NALF2: variants seen among roughly 807,000 people sequenced by gnomAD.
The protein encoded by NALF2 is NALCN channel auxiliary factor 2, also known as bB57D9.1 (TED protein).
Under a neutral mutation model 24.8 loss-of-function variants are expected in NALF2, and 1 was observed. The ratio of observed to expected loss-of-function variants is 0.04; its 90% CI spans 0.01 to 0.19. NALF2 has a LOEUF of 0.19. NALF2 is among the 10% of genes least tolerant of loss of function. The pLI, the probability that NALF2 is intolerant of heterozygous loss-of-function variation, is 1.00. For synonymous variants in NALF2, 254 were observed against 189.8 expected (o/e 1.34, Z -2.78); for missense variants, 458 against 409.6 (o/e 1.12, Z -1.02).
At chrX:69,520,558 G>T (rs777621622) in intron 1 of NALF2, among the ~76,000 whole-genome samples, 4 of 111,587 alleles carry the variant, frequency 3.6e-5, no homozygotes, top group Non-Finnish European at 7.5e-5. Context: ...CCTTTATGCA[G>T]ACCCTCCTTC....
intron 1 of NALF2, among the ~76,000 whole-genome samples, chrX:69,512,207 G>A (rs1026612705): frequency 1.8e-5 from 2 of 112,075 alleles, no homozygotes; most frequent in Non-Finnish European, 3.8e-5. Flanking sequence ...TGGGGAATGG[G>A]TATGTTTGCG....
At chrX:69,516,945 T>G (rs886958392) in intron 1 of NALF2, among the ~76,000 whole-genome samples, 3 of 111,907 alleles carry the variant, frequency 2.7e-5, no homozygotes, top group Non-Finnish European at 5.6e-5. Context: ...GAGAATGGAC[T>G]ACGTAGACTG....
chrX:69,506,488 C>T (rs1271220212), intron 1 of NALF2, among the ~76,000 whole-genome samples: 1 of 113,429 alleles, frequency 8.8e-6, no homozygotes, highest in African/African-American at 3.2e-5. Context: ...CATCCTCAGC[C>T]AGCCATGCCC....
intron 1 of NALF2, among the ~76,000 whole-genome samples, chrX:69,521,369 A>T (rs915885186): frequency 9.0e-6 from 1 of 110,858 alleles, no homozygotes; most frequent in Admixed American, 9.5e-5. Context: ...CAGCCCTCAA[A>T]ACACAGTTGA....
chrX:69,517,336 C>T (rs906237046), intron 1 of NALF2, among the ~76,000 whole-genome samples: 2 of 111,250 alleles, frequency 1.8e-5, no homozygotes, highest in Admixed American at 1.9e-4. Flanking sequence ...ATGCTAGCCC[C>T]CATTGTTATT....
chrX:69,520,626 A>G (rs750615360), intron 1 of NALF2, among the ~76,000 whole-genome samples: 5 of 111,392 alleles, frequency 4.5e-5, no homozygotes, highest in African/African-American at 1.6e-4. Flanking sequence ...TGACTCACAT[A>G]TACCTCAAAG....
chrX:69,520,843 T>G (rs1049526559), intron 1 of NALF2, among the ~76,000 whole-genome samples: 1 of 111,259 alleles, frequency 9.0e-6, no homozygotes, highest in African/African-American at 3.3e-5. Flanking sequence ...CACCCCTTCC[T>G]CCCTATTTCT....
Position 69,527,944 on chromosome X carries a change from A to G in NALF2, c.862-1049A>G, listed in dbSNP as rs1322694027. 1.8e-5 allele frequency among the ~76,000 whole-genome samples: 2 copies of G among 110,782 alleles called. 1 individual carries two copies. The highest frequency in any genetic ancestry group is 3.8e-5 in the Non-Finnish European group (2 of 52,895). The stretch of plus-strand genomic sequence containing the variant: ...CAACTGGAGACAATACCCCTACCCC[A>G]GGGGAACATTTGACAATGGCTGGAG... On this transcript the variant is annotated intron_variant, in intron 1 of 2. Coordinates refer to ENST00000252338, the MANE Select transcript of NALF2 (RefSeq NM_015686.3).
intron 1 of NALF2, among the ~76,000 whole-genome samples, chrX:69,506,550 G>A (rs777773182): frequency 2.1e-4 from 24 of 113,289 alleles, no homozygotes; most frequent in Non-Finnish European, 4.1e-4. Context: ...TGGTGCAGGG[G>A]GAAGGCCAAA....
intron 1 of NALF2, among the ~76,000 whole-genome samples, chrX:69,516,460 G>C (rs769428071): frequency 1.8e-5 from 2 of 112,025 alleles, no homozygotes; most frequent in East Asian, 5.6e-4. Context: ...GGGGCTTCTC[G>C]ATGAAGAGAA....
intron 1 of NALF2, among the ~76,000 whole-genome samples, chrX:69,515,527 G>A (rs1445350919): frequency 8.9e-6 from 1 of 112,518 alleles, no homozygotes; most frequent in Admixed American, 9.4e-5. Context: ...CACTTTTCCA[G>A]TATTGGCTAT....
At chrX:69,528,914 C>G (rs1487685927) in intron 1 of NALF2, 79 bp from the exon 2 acceptor site, 13 of 1,058,911 alleles carry the variant, frequency 1.2e-5, no homozygotes, top group Admixed American at 5.9e-5. Context: ...TGAGAGACCA[C>G]AAGTAAGTCC....
intron 1 of NALF2, among the ~76,000 whole-genome samples, chrX:69,512,210 T>A (rs1231678029): frequency 1.8e-5 from 2 of 111,966 alleles, no homozygotes; most frequent in African/African-American, 6.5e-5. Flanking sequence ...GGAATGGGTA[T>A]GTTTGCGTTT....
At chrX:69,519,455 G>A (rs1930704728) in intron 1 of NALF2, among the ~76,000 whole-genome samples, 1 of 111,917 alleles carries the variant, frequency 8.9e-6, no homozygotes, top group Non-Finnish European at 1.9e-5. Context: ...CTTACCAGAA[G>A]GCTGTGTGTT....
At chrX:69,519,535 G>A (rs1930706047) in intron 1 of NALF2, among the ~76,000 whole-genome samples, 1 of 112,244 alleles carries the variant, frequency 8.9e-6, no homozygotes, top group Non-Finnish European at 1.9e-5. Flanking sequence ...TTTCCCATGA[G>A]TTACCAGAAT....
intron 1 of NALF2, among the ~76,000 whole-genome samples, chrX:69,520,050 A>G (rs1930713296): frequency 8.9e-6 from 1 of 112,016 alleles, no homozygotes; most frequent in African/African-American, 3.2e-5. Context: ...CCACTCCTCC[A>G]TCTTCATCTG....
chrX:69,528,366 G>A (rs1397846392), intron 1 of NALF2, among the ~76,000 whole-genome samples: 1 of 111,607 alleles, frequency 9.0e-6, no homozygotes, highest in Non-Finnish European at 1.9e-5. Context: ...CATGGATCAA[G>A]TAGAGCTCAA....
Position 69,505,655 on chromosome X carries a change from G to T in NALF2, c.373G>T (p.Ala125Ser), listed in dbSNP as rs753254642. The change falls in exon 1 of 3, where the codon GCC becomes TCC. Residue 125 changes from alanine to serine, a missense_variant. Ala to Ser is a moderately conservative substitution (Grantham distance 99). Coordinates refer to ENST00000252338, the MANE Select transcript of NALF2 (RefSeq NM_015686.3). ...CAGATACAGCAACCTGACCAAAGCC[G>T]CCCCCGCCGCCGGCTCTCGGCCGGT... ...GPRYSNLTKA[A>S]PAAGSRPVCG... is the part of the protein sequence containing the mutation. 3.3e-6 allele frequency: 4 copies of T among 1,200,956 alleles called. No homozygotes were observed. In the Admixed American group the frequency reaches 8.9e-5, roughly 27 times the overall value.
In NALF2 at chrX:69,508,896, C is replaced by T. The variant is rs751909475; in HGVS notation, c.861+2753C>T. Among the ~76,000 whole-genome samples, 3 of 112,447 alleles carry T rather than the reference C, an allele frequency of 2.7e-5. No individual in the cohort carries two copies. In the East Asian group the frequency reaches 8.5e-4, roughly 32 times the overall value. On this transcript the variant is annotated intron_variant, in intron 1 of 2. Coordinates refer to ENST00000252338, the MANE Select transcript of NALF2 (RefSeq NM_015686.3). Reference sequence around the variant, plus strand: ...AAGAGGCTTTCTTACTTCTAGAAACCAAGCTGGGAACCTCTGTTTCAGAGC... The same window carrying T: ...AAGAGGCTTTCTTACTTCTAGAAACTAAGCTGGGAACCTCTGTTTCAGAGC...
Sources: gnomAD v4.1 joint callset for allele counts (sites outside exome capture counted in the v4.1 genomes callset) on GRCh38, gnomAD v4.1.1 for gene constraint, MANE v1.5 for transcripts, NCBI Gene and HGNC (gene_info 2026-07-23, HGNC 2026-07-21) for gene names.